MDM2: variants seen among roughly 807,000 people sequenced by gnomAD.
MDM2 encodes the protein MDM2 proto-oncogene.
MDM2 carries 11 observed loss-of-function variants against 64.3 expected under a neutral mutation model. The observed-to-expected ratio is 0.17, with a 90% CI of 0.11 to 0.28. The LOEUF is 0.28. Among genes scored for constraint, MDM2 ranks in the 10% least tolerant of loss-of-function variants. The pLI is 1.00. For missense variants in MDM2, 388 were observed against 577.1 expected (o/e 0.67, Z 3.36); for synonymous variants, 194 against 192.9 (o/e 1.01, Z -0.05).
chr12:68,820,426 CAT>C (rs1306737356), intron 5 of MDM2, 52 bp downstream of exon 5: 8 of 1,406,108 alleles, frequency 5.7e-6, no homozygotes, highest in Middle Eastern at 1.8e-4. Flanking sequence ...GTTTTAAAGA[CAT>C]TTTTGTTTAT....
intron 3 of MDM2, 86 bp downstream of exon 3, chr12:68,813,714 C>A: frequency 1.1e-6 from 1 of 904,612 alleles, no homozygotes; most frequent in African/African-American, 1.7e-5. Context: ...AGAAATTGGC[C>A]ATATAGAAGG....
chr12:68,808,557 G>T lies in MDM2; in HGVS notation c.14+66G>T, dbSNP rs927029501. 16 of 1,607,994 alleles carry T rather than the reference G, an allele frequency of 1.0e-5. No individual in the cohort carries two copies. In the East Asian group the frequency reaches 3.1e-4, roughly 32 times the overall value. ...TCTGACGGTGTCCCCTCTATCGCTG[G>T]TTCCCAGCCTCTGCCCGTTCGCAGC... On this transcript the variant is annotated intron_variant, in intron 1 of 10. Transcript: ENST00000258149.
intron 7 of MDM2, among the ~76,000 whole-genome samples, chr12:68,824,950 T>G (rs144618114): frequency 0.015 from 2,327 of 152,326 alleles, 62 homozygotes; most frequent in African/African-American, 0.052. Context: ...GGCTCACGCC[T>G]GTAATCCCGG....
At chr12:68,813,487 T>G (rs2136113791) in intron 2 of MDM2, 67 bp from the exon 3 acceptor site, 1 of 1,065,380 alleles carries the variant, frequency 9.4e-7, no homozygotes, top group Non-Finnish European at 1.4e-6. Flanking sequence ...GATGGATATG[T>G]TTGCTGCAGG....
rs148993674 is a variant in MDM2, at chr12:68,823,884, A to G, written c.359-479A>G. Reference sequence around the variant, plus strand: ...ATGAGTCCTGCTTTGGCTAGACCACAGGATCCTTTACAGTCTGAACCTGCC... The same window carrying G: ...ATGAGTCCTGCTTTGGCTAGACCACGGGATCCTTTACAGTCTGAACCTGCC... On this transcript the variant is annotated intron_variant, in intron 5 of 10. Transcript: ENST00000258149. 3.8e-3 allele frequency among the ~76,000 whole-genome samples: 578 copies of G among 152,362 alleles called. 3 individuals are homozygous for G. Among genetic ancestry groups the G allele is most frequent in the African/African-American group, 0.013 (560 of 41,582 alleles).
At chr12:68,832,071 A>G (rs1243965413) in intron 8 of MDM2, among the ~76,000 whole-genome samples, 1 of 152,196 alleles carries the variant, frequency 6.6e-6, no homozygotes, top group Non-Finnish European at 1.5e-5. Flanking sequence ...ATTCCATCTC[A>G]AACAACAACA....
Position 68,841,987 on chromosome 12 carries a change from C to T in MDM2, c.*2138C>T, listed in dbSNP as rs574499684. 2.6e-5 allele frequency: 10 copies of T among 388,434 alleles called. No homozygotes were observed. Among genetic ancestry groups the T allele is most frequent in the East Asian group, 4.5e-5 (1 of 22,180 alleles). The allele number at this position is 388,434 out of a possible 1,614,324, so 24.1% of individuals were successfully genotyped here. A position where few individuals can be genotyped will look rare whatever the true frequency, so the allele number is the denominator to read the frequency against. On this transcript the variant is annotated 3_prime_UTR_variant, in exon 11 of 11. Coordinates refer to ENST00000258149, the MANE Select transcript of MDM2 (RefSeq NM_002392.6). ...ACCACATCATGATGTTCATCTGCAG[C>T]TGTTGCAAGGTGTTCAGATTGTATA...
At chr12:68,829,664 C>T (rs1376941855) in intron 8 of MDM2, among the ~76,000 whole-genome samples, 1 of 151,502 alleles carries the variant, frequency 6.6e-6, no homozygotes, top group South Asian at 2.1e-4. Flanking sequence ...TACTTGGGGG[C>T]CTGAGGCAGG....
intron 8 of MDM2, among the ~76,000 whole-genome samples, chr12:68,833,331 A>AT (rs1565744202): frequency 1.3e-5 from 1 of 74,116 alleles, no homozygotes; most frequent in African/African-American, 4.1e-5. Flanking sequence ...ATATAAATAT[A>AT]AAAATATATA....
rs1008787499 is a variant in MDM2 at position 68,841,568 on chromosome 12, T to A, written c.*1719T>A. Reference sequence around the variant, plus strand: ...AGGCCCTTTTTCACACACAAAAAAATCCTTTATGGGATTTAATGGAATCTG... The same window carrying A: ...AGGCCCTTTTTCACACACAAAAAAAACCTTTATGGGATTTAATGGAATCTG... On this transcript the variant is annotated 3_prime_UTR_variant, in exon 11 of 11. Transcript: ENST00000258149. 1 of 210,266 alleles carries A rather than the reference T, an allele frequency of 4.8e-6. No individual in the cohort carries two copies. The highest frequency in any genetic ancestry group is 9.6e-6 in the Non-Finnish European group (1 of 103,666). The allele number at this position is 210,266 out of a possible 1,614,324, so 13.0% of individuals were successfully genotyped here. A position where few individuals can be genotyped will look rare whatever the true frequency, so the allele number is the denominator to read the frequency against.
chr12:68,818,636 A>G (rs1381122933), intron 4 of MDM2, among the ~76,000 whole-genome samples: 1 of 149,688 alleles, frequency 6.7e-6, no homozygotes, highest in African/African-American at 2.4e-5. Flanking sequence ...CTTCTGTTTA[A>G]TATCCATATA....
chr12:68,840,149 T>G lies in MDM2; in HGVS notation c.*300T>G. 1 of 297,390 alleles carries G rather than the reference T, an allele frequency of 3.4e-6. No homozygotes were observed. The highest frequency in any genetic ancestry group is 6.2e-6 in the Non-Finnish European group (1 of 160,934). 18.4% of individuals were successfully genotyped at this position (297,390 alleles called of 1,614,324 possible). ...TATGTATATGACATTTAAATGTAAC[T>G]TATTATTTTTTTTGAGACCGAGTCT... On this transcript the variant is annotated 3_prime_UTR_variant, in exon 11 of 11. Coordinates refer to ENST00000258149, the MANE Select transcript of MDM2 (RefSeq NM_002392.6).
intron 7 of MDM2, chr12:68,828,556 A>G: frequency 2.4e-6 from 1 of 420,936 alleles, no homozygotes; most frequent in East Asian, 4.4e-5. Flanking sequence ...CCTGGGTGAC[A>G]GAGCAAGACC....
At chr12:68,831,774 A>G (rs180858582) in intron 8 of MDM2, among the ~76,000 whole-genome samples, 1 of 151,856 alleles carries the variant, frequency 6.6e-6, no homozygotes, top group Admixed American at 6.5e-5. Flanking sequence ...AATCCTATCT[A>G]TAAAAAATCT....
chr12:68,838,233 TCTTA>T (rs1287166313), intron 10 of MDM2, among the ~76,000 whole-genome samples: 4 of 152,208 alleles, frequency 2.6e-5, no homozygotes, highest in African/African-American at 7.2e-5. Context: ...CGGAAATACC[TCTTA>T]CTTAAGAGTT....
intron 4 of MDM2, among the ~76,000 whole-genome samples, chr12:68,818,009 G>T (rs1278765677): frequency 6.6e-6 from 1 of 152,018 alleles, no homozygotes; most frequent in Non-Finnish European, 1.5e-5. Context: ...GACCAGGCTG[G>T]TCTTGAGCTC....
At chr12:68,808,781 C>G (rs1009850248) in intron 1 of MDM2, among the ~76,000 whole-genome samples, 21 of 149,964 alleles carry the variant, frequency 1.4e-4, no homozygotes, top group Admixed American at 6.0e-4. Flanking sequence ...TCACGGGGGC[C>G]GGGGGCTGCG....
intron 5 of MDM2, among the ~76,000 whole-genome samples, chr12:68,820,790 G>A (rs1239298903): frequency 6.6e-6 from 1 of 152,086 alleles, no homozygotes; most frequent in Non-Finnish European, 1.5e-5. Flanking sequence ...TTGTGGAAGT[G>A]GAATTTTATG....
At position 68,839,263 on chromosome 12, in the gene MDM2, T is replaced by C. The variant is rs184787147; in HGVS notation, c.919-11T>C. The C allele has an allele frequency of 1.1e-5, 17 of 1,605,826 alleles. No individual in the cohort carries two copies. In the Admixed American group the frequency reaches 1.5e-4, roughly 14 times the overall value. On this transcript the variant is annotated splice_polypyrimidine_tract_variant and intron_variant, in intron 10 of 10. Transcript: ENST00000258149. ...TTACAGAAACTGACTGTGTGTCTTA[T>C]TTCATTGAAGGACTATTGGAAATGC... is the stretch of plus-strand genomic sequence containing the variant.
Sources: gnomAD v4.1 joint callset for allele counts (sites outside exome capture counted in the v4.1 genomes callset) on GRCh38, gnomAD v4.1.1 for gene constraint, MANE v1.5 for transcripts, NCBI Gene and HGNC (gene_info 2026-07-23, HGNC 2026-07-21) for gene names.